FAM193A: variants seen among roughly 807,000 people sequenced by gnomAD.
FAM193A encodes protein FAM193A.
A neutral mutation model predicts 126.5 loss-of-function variants in FAM193A; 22 were observed. The ratio of observed to expected loss-of-function variants is 0.17; its 90% CI spans 0.12 to 0.25. FAM193A has a LOEUF of 0.25. FAM193A is among the 10% of genes least tolerant of loss of function. FAM193A has a pLI of 1.00. For synonymous variants in FAM193A, 761 were observed against 646.8 expected (o/e 1.18, Z -2.68); for missense variants, 1,675 against 1,672.8 (o/e 1.00, Z -0.02).
chr4:2,668,413 C>T (rs1713388251), intron 12 of FAM193A, among the ~76,000 whole-genome samples: 1 of 151,882 alleles, frequency 6.6e-6, no homozygotes, highest in African/African-American at 2.4e-5. Context: ...AATGTTTTGC[C>T]ACTTTGGCCA....
At chr4:2,731,682 C>A in intron 20 of FAM193A, 93 bp from the exon 21 acceptor site, 1 of 956,896 alleles carries the variant, frequency 1.0e-6, no homozygotes, top group South Asian at 1.3e-5. Context: ...CAGTGAGTTT[C>A]TGGCAAGAAC....
intron 20 of FAM193A, among the ~76,000 whole-genome samples, chr4:2,726,804 G>T (rs1405404021): frequency 1.0e-5 from 1 of 97,754 alleles, no homozygotes; most frequent in East Asian, 2.8e-4. Context: ...AAAAAAAAAA[G>T]CCGGGTGTGG....
chr4:2,541,144 C>A (rs1737210065), intron 1 of FAM193A, among the ~76,000 whole-genome samples: 2 of 151,804 alleles, frequency 1.3e-5, no homozygotes, highest in Non-Finnish European at 2.9e-5. Context: ...GTGGCGCATG[C>A]CTGTAATCCT....
At chr4:2,644,091 A>C (rs528903125) in intron 6 of FAM193A, among the ~76,000 whole-genome samples, 2 of 152,256 alleles carry the variant, frequency 1.3e-5, no homozygotes, top group South Asian at 4.1e-4. Flanking sequence ...TTGCTGAGCC[A>C]TTGATTTAAT....
chr4:2,664,973 G>A (rs952366937), intron 12 of FAM193A, among the ~76,000 whole-genome samples: 1 of 152,170 alleles, frequency 6.6e-6, no homozygotes, highest in African/African-American at 2.4e-5. Flanking sequence ...TTGAGGGATT[G>A]CATCGAATTC....
chr4:2,698,365 C>T (rs1717286481), intron 18 of FAM193A, among the ~76,000 whole-genome samples: 1 of 152,214 alleles, frequency 6.6e-6, no homozygotes, highest in African/African-American at 2.4e-5. Flanking sequence ...GTTGGTCTCT[C>T]CTCTGCTCCC....
At chr4:2,556,119 C>CA (rs1448289666) in intron 1 of FAM193A, among the ~76,000 whole-genome samples, 1 of 151,398 alleles carries the variant, frequency 6.6e-6, no homozygotes, top group East Asian at 2.0e-4. Flanking sequence ...TGGTCTTGAA[C>CA]GCCTGATCTC....
chr4:2,671,115 C>G (rs1445407158), intron 12 of FAM193A, among the ~76,000 whole-genome samples: 1 of 152,210 alleles, frequency 6.6e-6, no homozygotes, highest in African/African-American at 2.4e-5. Context: ...TGAATGCGCT[C>G]AGCACTCAGC....
At chr4:2,541,590 C>T (rs1056176905) in intron 1 of FAM193A, among the ~76,000 whole-genome samples, 14 of 150,078 alleles carry the variant, frequency 9.3e-5, no homozygotes, top group African/African-American at 2.2e-4. Flanking sequence ...GGACTACAGG[C>T]GCGTGCCACC....
chr4:2,688,773 T>G (rs1716037455), intron 13 of FAM193A, among the ~76,000 whole-genome samples: 1 of 152,238 alleles, frequency 6.6e-6, no homozygotes, highest in Non-Finnish European at 1.5e-5. Context: ...GCTCAGGATC[T>G]CCTAAGGAGG....
chr4:2,613,177 C>T (rs141479422), intron 2 of FAM193A, among the ~76,000 whole-genome samples: 2,561 of 152,210 alleles, frequency 0.017, 60 homozygotes, highest in African/African-American at 0.051. Flanking sequence ...GTGGCTCATA[C>T]CTGTAATCCA....
chr4:2,628,971 G>A (rs1743265114), intron 4 of FAM193A, among the ~76,000 whole-genome samples: 1 of 151,526 alleles, frequency 6.6e-6, no homozygotes, highest in Non-Finnish European at 1.5e-5. Context: ...TCCTGCCTCA[G>A]CCTCGCGAGT....
chr4:2,572,108 T>C (rs1739324331), intron 1 of FAM193A, among the ~76,000 whole-genome samples: 1 of 147,344 alleles, frequency 6.8e-6, no homozygotes, highest in Admixed American at 6.9e-5. Flanking sequence ...GAGGTTGCAG[T>C]GAGCCGAGAT....
At chr4:2,544,994 T>C (rs1019739390) in intron 1 of FAM193A, among the ~76,000 whole-genome samples, 2 of 152,076 alleles carry the variant, frequency 1.3e-5, no homozygotes, top group Non-Finnish European at 2.9e-5. Flanking sequence ...TGAATTTCTT[T>C]CTTTCTTTTT....
At chr4:2,540,954 G>C (rs6822156) in intron 1 of FAM193A, among the ~76,000 whole-genome samples, 145,117 of 147,216 alleles carry the variant, frequency 0.99, 71,553 homozygotes, top group Middle Eastern at 1. Context: ...GTGCAAGACT[G>C]TGTCTCAAAA....
chr4:2,682,145 C>T (rs564992926), intron 13 of FAM193A, among the ~76,000 whole-genome samples: 18 of 151,882 alleles, frequency 1.2e-4, no homozygotes, highest in Admixed American at 6.6e-4. Context: ...CCACCATGCC[C>T]GGCTAATTTT....
intron 19 of FAM193A, among the ~76,000 whole-genome samples, chr4:2,706,762 G>C (rs956149472): frequency 6.6e-6 from 1 of 151,064 alleles, no homozygotes; most frequent in Non-Finnish European, 1.5e-5. Flanking sequence ...TTCCAGCTCA[G>C]TATTTCCCAG....
rs1283947027 is a variant in FAM193A at position 2,631,219 on chromosome 4, G to A, written c.1038+50G>A. The A allele has an allele frequency of 3.3e-6, 5 of 1,536,550 alleles. No individual in the cohort carries two copies. In the East Asian group the frequency reaches 1.1e-4, roughly 35 times the overall value. On this transcript the variant is annotated intron_variant, in intron 5 of 20. Transcript: ENST00000637812. Reference sequence around the variant, plus strand: ...TTCTGTTTGGATGAGCTGAAGAGAAGCATGTGGCAAGAGGAAGCTTCTCAC... The same window carrying A: ...TTCTGTTTGGATGAGCTGAAGAGAAACATGTGGCAAGAGGAAGCTTCTCAC...
intron 1 of FAM193A, among the ~76,000 whole-genome samples, chr4:2,545,372 T>C (rs1364413286): frequency 6.6e-6 from 1 of 150,490 alleles, no homozygotes; most frequent in Non-Finnish European, 1.5e-5. Context: ...GCATCTGTGT[T>C]GTTGTCCTAG....
Sources: allele counts gnomAD v4.1 joint callset (sites outside exome capture counted in the v4.1 genomes callset), GRCh38; gene constraint gnomAD v4.1.1; transcripts MANE v1.5; gene names NCBI Gene and HGNC (gene_info 2026-07-23, HGNC 2026-07-21).